The following PCED1B variants were observed in gnomAD, a reference collection of about 807,000 sequenced individuals.
The protein encoded by PCED1B is PC-esterase domain-containing protein 1B.
For synonymous variants in PCED1B, 251 were observed against 246.1 expected (o/e 1.02, Z -0.19); for missense variants, 573 against 573.9 (o/e 1.00, Z 0.02).
At chr12:47,146,356 A>G (rs1283637840) in intron 2 of PCED1B, among the ~76,000 whole-genome samples, 1 of 152,198 alleles carries the variant, frequency 6.6e-6, no homozygotes, top group Non-Finnish European at 1.5e-5. Context: ...TAGAATATTT[A>G]ATAAACTTAG....
At chr12:47,132,928 G>A (rs150039508) in intron 2 of PCED1B, among the ~76,000 whole-genome samples, 49 of 152,244 alleles carry the variant, frequency 3.2e-4, no homozygotes, top group Middle Eastern at 3.4e-3. Flanking sequence ...TTCAAGGGGG[G>A]AAATGGTGAT....
At chr12:47,113,280 A>T (rs1355333578) in intron 2 of PCED1B, among the ~76,000 whole-genome samples, 1 of 152,192 alleles carries the variant, frequency 6.6e-6, no homozygotes, top group Non-Finnish European at 1.5e-5. Context: ...AAAATCTCTG[A>T]ATTTAGGAAT....
intron 2 of PCED1B, among the ~76,000 whole-genome samples, chr12:47,137,000 TC>T (rs1330396657): frequency 2.6e-5 from 4 of 152,218 alleles, no homozygotes; most frequent in Non-Finnish European, 5.9e-5. Flanking sequence ...TAATAACTTT[TC>T]TTCCTAGCCA....
chr12:47,235,587 G>T lies in PCED1B; in HGVS notation c.524G>T (p.Gly175Val), dbSNP rs548965363. ...AMPVGEEVTG[G>V]FLPPKLRRQK... ...CCTGTGGGCGAGGAAGTCACCGGGG[G>T]TTTTCTTCCGCCCAAGCTCCGGCGG... is the stretch of plus-strand genomic sequence containing the variant. The change falls in exon 4 of 4, where the codon GGT becomes GTT. Residue 175 changes from glycine (G) to valine (V), a missense_variant. By Grantham distance (109) the Gly-to-Val change is moderately radical. Coordinates refer to ENST00000546455, the MANE Select transcript of PCED1B (RefSeq NM_138371.3). The T allele has an allele frequency of 6.2e-7, 1 of 1,608,794 alleles. No individual in the cohort carries two copies. Among genetic ancestry groups the T allele is most frequent in the Non-Finnish European group, 8.5e-7 (1 of 1,176,860 alleles).
chr12:47,101,722 G>A (rs569811022), intron 1 of PCED1B, among the ~76,000 whole-genome samples: 14 of 152,216 alleles, frequency 9.2e-5, no homozygotes, highest in East Asian at 5.8e-4. Flanking sequence ...TGAGACGGCC[G>A]GATCAGTTGA....
chr12:47,188,785 A>G (rs917679705), intron 2 of PCED1B, among the ~76,000 whole-genome samples: 3 of 152,186 alleles, frequency 2.0e-5, no homozygotes, highest in African/African-American at 7.2e-5. Context: ...AACTCAGAGG[A>G]CCATTGGGAG....
intron 2 of PCED1B, among the ~76,000 whole-genome samples, chr12:47,137,738 A>G (rs1480832380): frequency 2.9e-5 from 4 of 138,884 alleles, no homozygotes; most frequent in African/African-American, 4.9e-5. Flanking sequence ...TCTAAAAAAA[A>G]AAAAAGAAAA....
At chr12:47,083,289 G>A (rs1160831232) in intron 1 of PCED1B, among the ~76,000 whole-genome samples, 1 of 151,970 alleles carries the variant, frequency 6.6e-6, no homozygotes, top group East Asian at 1.9e-4. Context: ...TCTACCACGC[G>A]TCCTGTAGTC....
intron 2 of PCED1B, among the ~76,000 whole-genome samples, chr12:47,105,009 G>A (rs1161986938): frequency 3.9e-5 from 6 of 152,116 alleles, no homozygotes; most frequent in African/African-American, 1.4e-4. Context: ...CAGACCTTAC[G>A]CTCATGCCGA....
chr12:47,098,346 A>AG (rs144071811), intron 1 of PCED1B, among the ~76,000 whole-genome samples: 120 of 152,384 alleles, frequency 7.9e-4, no homozygotes, highest in African/African-American at 2.7e-3. Flanking sequence ...GCCAAAGTCA[A>AG]GGACAACTAA....
chr12:47,231,740 A>G (rs772783562), intron 3 of PCED1B, among the ~76,000 whole-genome samples: 2 of 152,238 alleles, frequency 1.3e-5, no homozygotes, highest in African/African-American at 2.4e-5. Flanking sequence ...TAGCAGAGAC[A>G]GCACTAAATT....
intron 2 of PCED1B, among the ~76,000 whole-genome samples, chr12:47,214,025 A>G (rs1028205018): frequency 1.3e-5 from 2 of 152,230 alleles, no homozygotes; most frequent in Non-Finnish European, 2.9e-5. Context: ...TTTGCAATTC[A>G]TTTATAGAAT....
intron 2 of PCED1B, among the ~76,000 whole-genome samples, chr12:47,149,726 A>G (rs1251696518): frequency 6.6e-6 from 1 of 152,186 alleles, no homozygotes; most frequent in Non-Finnish European, 1.5e-5. Flanking sequence ...TTAGGAGAAA[A>G]CATGTTTCAT....
chr12:47,216,053 C>G (rs1943250902), intron 2 of PCED1B, 169 bp from the exon 3 acceptor site: 1 of 151,264 alleles, frequency 6.6e-6, no homozygotes, highest in Non-Finnish European at 1.5e-5. Flanking sequence ...AACTCCGTCT[C>G]AAAAAAAATA....
rs200155464 is a variant in PCED1B at position 47,220,802 on chromosome 12, G to A, written c.-58+4113G>A. On this transcript the variant is annotated intron_variant, in intron 3 of 3. Transcript: ENST00000546455. ...TTTTCTATCTAGGAGAGTAGGGAAG[G>A]CTCTCTGACAAAATTGTCTTTTAAC... Among the ~76,000 whole-genome samples the A allele has an allele frequency of 3.9e-5, 6 of 152,180 alleles. No homozygotes were observed. The East Asian group carries it at 9.6e-4, about 24-fold the overall frequency.
intron 2 of PCED1B, among the ~76,000 whole-genome samples, chr12:47,190,276 G>A (rs1364826477): frequency 6.6e-6 from 1 of 152,192 alleles, no homozygotes; most frequent in African/African-American, 2.4e-5. Flanking sequence ...ATGGGAGCAA[G>A]TGAAAGCCTG....
intron 1 of PCED1B, among the ~76,000 whole-genome samples, chr12:47,091,974 T>C (rs976441217): frequency 3.9e-5 from 6 of 152,092 alleles, no homozygotes; most frequent in African/African-American, 1.4e-4. Context: ...TATCTCACAG[T>C]GTAAGTCCTG....
intron 1 of PCED1B, among the ~76,000 whole-genome samples, chr12:47,094,169 ATAAT>A (rs1251212031): frequency 1.3e-5 from 2 of 152,064 alleles, no homozygotes; most frequent in African/African-American, 4.8e-5. Context: ...TTATTTATTT[ATAAT>A]TATGAACTGT....
At chr12:47,205,808 G>A (rs1023700853) in intron 2 of PCED1B, 3 of 152,188 alleles carry the variant, frequency 2.0e-5, no homozygotes, top group Admixed American at 2.0e-4. Context: ...ACCGCCTAAG[G>A]GGTTCACCTT....
Sources: allele counts gnomAD v4.1 joint callset (sites outside exome capture counted in the v4.1 genomes callset), GRCh38; gene constraint gnomAD v4.1.1; transcripts MANE v1.5; gene names NCBI Gene and HGNC (gene_info 2026-07-23, HGNC 2026-07-21).